QTMAN: variants seen among roughly 807,000 people sequenced by gnomAD.
QTMAN encodes queuosine-tRNA mannosyltransferase.
chr2:144,257,556 C>A, the QTMAN span, among the ~76,000 whole-genome samples: 1 of 152,094 alleles, frequency 6.6e-6, no homozygotes, highest in Non-Finnish European at 1.5e-5. Flanking sequence ...GGCACAGTGA[C>A]CTTTACAGTA....
chr2:144,133,400 A>AT, the QTMAN span, among the ~76,000 whole-genome samples: 3 of 41,946 alleles, frequency 7.2e-5, no homozygotes, highest in Non-Finnish European at 8.9e-5. Context: ...ATATTATATA[A>AT]ATATAATATA....
chr2:144,159,237 T>C, the QTMAN span, among the ~76,000 whole-genome samples: 14,114 of 151,894 alleles, frequency 0.093, 864 homozygotes, highest in Non-Finnish European at 0.14. Context: ...CATTTAACTA[T>C]ATTTTAACAT....
the QTMAN span, among the ~76,000 whole-genome samples, chr2:144,274,688 A>T: frequency 5.3e-5 from 8 of 152,208 alleles, no homozygotes; most frequent in African/African-American, 1.7e-4. Flanking sequence ...TGTCCTATGC[A>T]TCTCTTTCCT....
the QTMAN span, among the ~76,000 whole-genome samples, chr2:144,316,556 C>T: frequency 6.6e-6 from 1 of 152,258 alleles, no homozygotes; most frequent in East Asian, 1.9e-4. Context: ...CACCTGCCCT[C>T]CGTATATGAG....
the QTMAN span, among the ~76,000 whole-genome samples, chr2:144,163,640 G>A: frequency 6.6e-6 from 1 of 152,186 alleles, no homozygotes; most frequent in Non-Finnish European, 1.5e-5. Context: ...TGGTGTGCGT[G>A]CAATGCAAAT....
At chr2:144,189,632 T>C in the QTMAN span, among the ~76,000 whole-genome samples, 1 of 152,010 alleles carries the variant, frequency 6.6e-6, no homozygotes, top group East Asian at 1.9e-4. Flanking sequence ...TTTTTTTTTC[T>C]CTGAGACAGA....
At chr2:144,064,854 T>G in the QTMAN span, among the ~76,000 whole-genome samples, 1 of 152,152 alleles carries the variant, frequency 6.6e-6, no homozygotes, top group African/African-American at 2.4e-5. Context: ...ATCATTTTCC[T>G]AACAACATAG....
At chr2:144,259,813 G>A in the QTMAN span, among the ~76,000 whole-genome samples, 1 of 152,168 alleles carries the variant, frequency 6.6e-6, no homozygotes, top group South Asian at 2.1e-4. Context: ...TGGTTCCCCA[G>A]ACTGGAATTT....
chr2:144,167,383 T>G, the QTMAN span, among the ~76,000 whole-genome samples: 3 of 152,162 alleles, frequency 2.0e-5, no homozygotes, highest in African/African-American at 7.2e-5. Flanking sequence ...CAGAAGTAAC[T>G]ACTTGGATGC....
At chr2:144,228,560 G>A in the QTMAN span, among the ~76,000 whole-genome samples, 1 of 152,156 alleles carries the variant, frequency 6.6e-6, no homozygotes, top group African/African-American at 2.4e-5. Flanking sequence ...AGGAAGAAAG[G>A]AGAAAAGAAG....
chr2:144,145,553 T>C, the QTMAN span: 7 of 1,578,182 alleles, frequency 4.4e-6, no homozygotes, highest in South Asian at 6.9e-5. Flanking sequence ...CCAAATATAA[T>C]GATACAATCC....
At chr2:144,023,337 T>G in the QTMAN span, among the ~76,000 whole-genome samples, 1 of 152,252 alleles carries the variant, frequency 6.6e-6, no homozygotes, top group Non-Finnish European at 1.5e-5. Context: ...AGAAGTAGTT[T>G]TCTAAAGTCT....
At chr2:144,249,536 TG>T in the QTMAN span, among the ~76,000 whole-genome samples, 3 of 152,238 alleles carry the variant, frequency 2.0e-5, no homozygotes, top group Admixed American at 2.0e-4. Flanking sequence ...GAGGTTACAC[TG>T]TCTACTGAGT....
the QTMAN span, among the ~76,000 whole-genome samples, chr2:144,116,285 ATG>A: frequency 1.1e-5 from 1 of 95,202 alleles, no homozygotes; most frequent in Non-Finnish European, 1.9e-5. Flanking sequence ...TGAGATTTTT[ATG>A]TGTGTGTTGG....
At chr2:144,013,100 A>T in the QTMAN span, among the ~76,000 whole-genome samples, 2 of 152,176 alleles carry the variant, frequency 1.3e-5, no homozygotes, top group Admixed American at 1.3e-4. Context: ...TTGTGGGAAA[A>T]CAAGTTTGGA....
chr2:144,325,973 C>T, the QTMAN span, among the ~76,000 whole-genome samples: 7 of 152,108 alleles, frequency 4.6e-5, no homozygotes, highest in Non-Finnish European at 7.4e-5. Flanking sequence ...TGATGACTTG[C>T]CTCAAAACAA....
At chr2:143,998,116 C>A in the QTMAN span, among the ~76,000 whole-genome samples, 1 of 152,040 alleles carries the variant, frequency 6.6e-6, no homozygotes, top group African/African-American at 2.4e-5. Context: ...CTGCCTTTCA[C>A]ACCAAGCTTA....
At chr2:144,129,886 T>C in the QTMAN span, among the ~76,000 whole-genome samples, 1 of 151,902 alleles carries the variant, frequency 6.6e-6, no homozygotes, top group Non-Finnish European at 1.5e-5. Flanking sequence ...ATGAGAACAC[T>C]TACTAATAAA....
At chr2:144,202,852 T>A in the QTMAN span, among the ~76,000 whole-genome samples, 1 of 152,192 alleles carries the variant, frequency 6.6e-6, no homozygotes, top group African/African-American at 2.4e-5. Context: ...TTTTTTAAAA[T>A]AAGCTAGAAA....
Sources: allele counts gnomAD v4.1 joint callset (sites outside exome capture counted in the v4.1 genomes callset), GRCh38; gene constraint gnomAD v4.1.1; transcripts MANE v1.5; gene names NCBI Gene and HGNC (gene_info 2026-07-23, HGNC 2026-07-21).